Variants in AGBL1 observed in about 807,000 individuals in gnomAD.
The protein encoded by AGBL1 is cytosolic carboxypeptidase 4.
AGBL1 carries 130 observed loss-of-function variants against 118.9 expected under a neutral mutation model. The observed-to-expected ratio is 1.09, with a 90% CI of 0.95 to 1.26. The LOEUF is 1.26. Ranked by LOEUF, AGBL1 falls within the 50% of genes most tolerant of loss-of-function variation. AGBL1 has a pLI of 0.00. For missense variants in AGBL1, 1,584 were observed against 1,298.1 expected (o/e 1.22, Z -3.38); for synonymous variants, 555 against 478.9 (o/e 1.16, Z -2.08).
At chr15:86,580,002 A>T (rs1297294112) in intron 21 of AGBL1, among the ~76,000 whole-genome samples, 2 of 152,208 alleles carry the variant, frequency 1.3e-5, no homozygotes, top group Non-Finnish European at 2.9e-5. Flanking sequence ...AGGCAGGGGA[A>T]CTACCAATTT....
intron 18 of AGBL1, among the ~76,000 whole-genome samples, chr15:86,500,300 T>C (rs2082903172): frequency 6.6e-6 from 1 of 151,794 alleles, no homozygotes; most frequent in Non-Finnish European, 1.5e-5. Flanking sequence ...GAGAACTTGC[T>C]AATAAATTGT....
chr15:86,757,996 C>G (rs2141265808), intron 22 of AGBL1, among the ~76,000 whole-genome samples: 1 of 152,216 alleles, frequency 6.6e-6, no homozygotes, highest in South Asian at 2.1e-4. Context: ...TTATTTAAAG[C>G]ATGGAGGGGA....
intron 22 of AGBL1, among the ~76,000 whole-genome samples, chr15:86,762,454 A>G (rs189801376): frequency 1.3e-3 from 205 of 152,186 alleles, no homozygotes; most frequent in African/African-American, 4.7e-3. Flanking sequence ...GTAAAGAGTC[A>G]TGTTAATATC....
chr15:86,599,939 A>G (rs1374339575), intron 21 of AGBL1, among the ~76,000 whole-genome samples: 1 of 152,134 alleles, frequency 6.6e-6, no homozygotes, highest in African/African-American at 2.4e-5. Flanking sequence ...AAAAACCCCC[A>G]TATTGAAAAC....
chr15:86,090,602 G>T (rs1050368822), intron 1 of AGBL1, among the ~76,000 whole-genome samples: 1 of 152,026 alleles, frequency 6.6e-6, no homozygotes, highest in Admixed American at 6.6e-5. Context: ...TTAGTTCATG[G>T]TTGTACCATA....
intron 17 of AGBL1, among the ~76,000 whole-genome samples, chr15:86,306,160 CAAAT>C (rs1567190167): frequency 2.0e-5 from 3 of 152,068 alleles, no homozygotes; most frequent in African/African-American, 7.2e-5. Context: ...CTTTGAGTTA[CAAAT>C]AATCTAGTTA....
intron 18 of AGBL1, among the ~76,000 whole-genome samples, chr15:86,445,858 TG>T (rs1477485890): frequency 1.3e-5 from 2 of 152,194 alleles, no homozygotes; most frequent in African/African-American, 4.8e-5. Flanking sequence ...TGTGATGCAT[TG>T]GGGCCGTGTA....
chr15:86,262,847 C>T lies in AGBL1; in HGVS notation c.1039C>T (p.Leu347=). ...KPGLDRPEEE[L]MQYEVMCLEL... ...TGGTCTTGACCGACCTGAAGAGGAA[C>T]TGATGCAATATGAGGTGATGTGTCT... The change falls in exon 10 of 23, where the codon CTG becomes TTG. Residue 347 remains leucine (L), a synonymous_variant. Coordinates refer to ENST00000614907, the MANE Select transcript of AGBL1 (RefSeq NM_001386094.1). 6.2e-7 allele frequency: 1 copy of T among 1,611,116 alleles called. No homozygotes were observed. Among genetic ancestry groups the T allele is most frequent in the Non-Finnish European group, 8.5e-7 (1 of 1,178,788 alleles).
At chr15:86,572,192 C>CCGG (rs1335032519) in intron 21 of AGBL1, among the ~76,000 whole-genome samples, 1 of 152,050 alleles carries the variant, frequency 6.6e-6, no homozygotes, top group Non-Finnish European at 1.5e-5. Flanking sequence ...GGGGGAAGTG[C>CCGG]CGGCTCCCTT....
intron 23 of AGBL1, among the ~76,000 whole-genome samples, chr15:86,934,902 G>C (rs1000909690): frequency 1.3e-5 from 2 of 152,124 alleles, no homozygotes; most frequent in African/African-American, 4.8e-5. Context: ...TTGGTAGGAC[G>C]ATAAGACATA....
At chr15:86,335,849 G>T (rs998388546) in intron 17 of AGBL1, among the ~76,000 whole-genome samples, 1 of 152,152 alleles carries the variant, frequency 6.6e-6, no homozygotes, top group Non-Finnish European at 1.5e-5. Flanking sequence ...CTCTACTCCT[G>T]GTTTGTCACT....
chr15:86,340,265 A>G (rs2080441465), intron 17 of AGBL1, among the ~76,000 whole-genome samples: 1 of 149,270 alleles, frequency 6.7e-6, no homozygotes, highest in African/African-American at 2.4e-5. Flanking sequence ...TGTTTTAGCT[A>G]GTGTAGTGAG....
At chr15:86,946,515 A>T (rs16978110) in intron 23 of AGBL1, among the ~76,000 whole-genome samples, 9,263 of 152,106 alleles carry the variant, frequency 0.061, 440 homozygotes, top group East Asian at 0.24. Flanking sequence ...ACTCACTATG[A>T]TTATTTCTGT....
intron 22 of AGBL1, among the ~76,000 whole-genome samples, chr15:86,894,814 A>G (rs2080099593): frequency 6.6e-6 from 1 of 152,174 alleles, no homozygotes; most frequent in African/African-American, 2.4e-5. Context: ...TAAAGAAGGG[A>G]GAGGCTGATG....
At chr15:86,222,568 G>A (rs1183717345) in intron 5 of AGBL1, among the ~76,000 whole-genome samples, 1 of 152,094 alleles carries the variant, frequency 6.6e-6, no homozygotes, top group Non-Finnish European at 1.5e-5. Context: ...CTACAGAGTT[G>A]AATGTTAACT....
chr15:86,325,159 G>C (rs972420600), intron 17 of AGBL1, among the ~76,000 whole-genome samples: 22 of 152,180 alleles, frequency 1.4e-4, no homozygotes, highest in African/African-American at 5.3e-4. Context: ...TAGAAGACTA[G>C]AGAGAGAGGC....
chr15:86,411,473 T>G (rs78660273), intron 18 of AGBL1, among the ~76,000 whole-genome samples: 1 of 152,306 alleles, frequency 6.6e-6, no homozygotes, highest in Non-Finnish European at 1.5e-5. Flanking sequence ...GCATATATAC[T>G]TTGATAATGC....
intron 21 of AGBL1, among the ~76,000 whole-genome samples, chr15:86,571,328 G>T (rs1249650669): frequency 6.6e-6 from 1 of 152,126 alleles, no homozygotes; most frequent in Non-Finnish European, 1.5e-5. Flanking sequence ...CATTCAGCAG[G>T]TCCCGAGTTC....
chr15:87,023,573 C>T (rs8042064), intron 24 of AGBL1, among the ~76,000 whole-genome samples: 2 of 152,010 alleles, frequency 1.3e-5, no homozygotes, highest in South Asian at 4.1e-4. Context: ...CTAGACAGGT[C>T]ATCAAGACAG....
Sources: allele counts gnomAD v4.1 joint callset (sites outside exome capture counted in the v4.1 genomes callset), GRCh38; gene constraint gnomAD v4.1.1; transcripts MANE v1.5; gene names NCBI Gene and HGNC (gene_info 2026-07-23, HGNC 2026-07-21).